The following HSPA12A variants were observed in gnomAD, a reference collection of about 807,000 sequenced individuals.
HSPA12A encodes the protein heat shock 70 kDa protein 12A.
Under a neutral mutation model 69.2 loss-of-function variants are expected in HSPA12A, and 28 were observed. That is an observed-to-expected ratio of 0.40 (90% CI 0.30 to 0.55). The LOEUF is 0.55. Ranked by LOEUF, HSPA12A falls within the 20% of genes least tolerant of loss-of-function variation. The pLI is 0.38. For missense variants in HSPA12A, 686 were observed against 900.7 expected, an observed-to-expected ratio of 0.76 and a Z score of 3.05; for synonymous variants, 345 against 370.5, an observed-to-expected ratio of 0.93 and a Z score of 0.79.
rs117976832 is a variant in HSPA12A, at chr10:116,738,205, G to A, written c.40+4225C>T. The stretch of plus-strand genomic sequence containing the variant: ...TCTCTTCTGAGATTGTCCAAGCCCT[G>A]CCTGACTCCCCTCCAGCTTGGCCCA... On this transcript the variant is annotated intron_variant, in intron 1 of 11. Transcript: ENST00000369209. Among the ~76,000 whole-genome samples the A allele has an allele frequency of 7.4e-4, 113 of 152,288 alleles. 4 individuals are homozygous for A. In the East Asian group the frequency reaches 0.021, roughly 29 times the overall value.
intron 1 of HSPA12A, among the ~76,000 whole-genome samples, chr10:116,726,025 A>ACGCGCG (rs574451167): frequency 0.015 from 986 of 67,922 alleles, 19 homozygotes; most frequent in African/African-American, 0.042. Context: ...ACACACACAC[A>ACGCGCG]CGCACACACA....
At chr10:116,780,273 A>G (rs1460585342) in intron 2 of HSPA12A, among the ~76,000 whole-genome samples, 11 of 152,150 alleles carry the variant, frequency 7.2e-5, no homozygotes, top group African/African-American at 2.7e-4. Flanking sequence ...TTCCTGTTTC[A>G]TGGACTCTTC....
intron 2 of HSPA12A, among the ~76,000 whole-genome samples, chr10:116,749,306 T>C (rs963411767): frequency 2.0e-5 from 3 of 152,212 alleles, no homozygotes; most frequent in African/African-American, 7.2e-5. Flanking sequence ...TGAACATTTA[T>C]CAAGCACCTG....
Position 116,819,134 on chromosome 10 carries a change from C to A in HSPA12A, c.91+15801G>T, listed in dbSNP as rs56790718. The stretch of plus-strand genomic sequence containing the variant: ...CCCAAGCCCTGTGTCCCGTGACACC[C>A]TGCTTATTCACTGGTCCCAAAATCA... On this transcript the variant is annotated intron_variant, in intron 2 of 12. Transcript: ENST00000635765. Among the ~76,000 whole-genome samples, 1,363 of 152,286 alleles carry A rather than the reference C, an allele frequency of 9.0e-3. 25 individuals carry two copies. Among genetic ancestry groups the A allele is most frequent in the African/African-American group, 0.031 (1,302 of 41,548 alleles).
At position 116,723,421 on chromosome 10, in the gene HSPA12A, GA is replaced by G. The variant is rs1554884650; in HGVS notation, c.41-16137del. 1.3e-5 allele frequency among the ~76,000 whole-genome samples: 2 copies of G among 152,176 alleles called. No homozygotes were observed. The highest frequency in any genetic ancestry group is 2.9e-5 in the Non-Finnish European group (2 of 68,030). On this transcript the variant is annotated intron_variant, in intron 1 of 11. Transcript: ENST00000369209. The surrounding 1 kb of genome is among the most constrained non-coding windows in gnomAD (Gnocchi z 4.1). ...CCAAGCTGTTCTTCCAGGGGCAGGGGACGGGGCTGAGGACCCCGAATGAGCT... is the reference window on the plus strand; with the variant it reads ...CCAAGCTGTTCTTCCAGGGGCAGGGGCGGGGCTGAGGACCCCGAATGAGCT...
intron 2 of HSPA12A, among the ~76,000 whole-genome samples, chr10:116,798,519 A>T (rs1214079071): frequency 6.6e-6 from 1 of 152,026 alleles, no homozygotes; most frequent in African/African-American, 2.4e-5. Flanking sequence ...AAAATCTTAC[A>T]CGGAAAAGTT....
At chr10:116,786,525 A>T (rs1270626047) in intron 2 of HSPA12A, among the ~76,000 whole-genome samples, 1 of 152,236 alleles carries the variant, frequency 6.6e-6, no homozygotes, top group African/African-American at 2.4e-5. Context: ...GTTCTCACAG[A>T]AAAATGTTCG....
At chr10:116,829,849 T>A (rs768756494) in intron 2 of HSPA12A, 2 of 152,162 alleles carry the variant, frequency 1.3e-5, no homozygotes, top group Admixed American at 1.3e-4. Context: ...GCTCTCCCAA[T>A]CTCGTGGCTG....
intron 2 of HSPA12A, among the ~76,000 whole-genome samples, chr10:116,705,765 A>G (rs1554882305): frequency 6.6e-6 from 1 of 152,130 alleles, no homozygotes. Context: ...AGGGCTGGGC[A>G]TCCCAGGACC....
At chr10:116,831,309 G>A (rs1297353354) in intron 2 of HSPA12A, 2 of 152,236 alleles carry the variant, frequency 1.3e-5, no homozygotes, top group African/African-American at 4.8e-5. Context: ...CTTTGTGGAG[G>A]TGATGACATG....
intron 2 of HSPA12A, among the ~76,000 whole-genome samples, chr10:116,828,165 A>T (rs1489229283): frequency 1.3e-5 from 2 of 152,210 alleles, no homozygotes; most frequent in African/African-American, 2.4e-5. Context: ...TGAAATAAGA[A>T]CTTATGGATA....
Position 116,671,678 on chromosome 10 carries a change from CTG to C in HSPA12A, c.*3101_*3102del, listed in dbSNP as rs1369676476. 1 of 152,676 alleles carries C rather than the reference CTG, an allele frequency of 6.5e-6. No homozygotes were observed. Among genetic ancestry groups the C allele is most frequent in the African/African-American group, 2.4e-5 (1 of 41,460 alleles). The allele number at this position is 152,676 out of a possible 1,614,324, so 9.5% of individuals were successfully genotyped here. On this transcript the variant is annotated 3_prime_UTR_variant, in exon 12 of 12. Transcript: ENST00000369209. ...TGGTTCCTCCTCTTTCCCCTCCTGT[CTG>C]TAACTTGTCTGTTACTCAGCATTTA...
intron 1 of HSPA12A, among the ~76,000 whole-genome samples, chr10:116,836,864 A>C (rs910656368): frequency 8.6e-5 from 13 of 151,972 alleles, no homozygotes; most frequent in African/African-American, 4.8e-5. Context: ...TTTCTTCATC[A>C]CCCATGCCAT....
chr10:116,681,061 A>G lies in HSPA12A; in HGVS notation c.1027+91T>C. On this transcript the variant is annotated intron_variant, in intron 9 of 11. Coordinates refer to ENST00000369209, the MANE Select transcript of HSPA12A (RefSeq NM_025015.3). ...ATCCCACATGTTAGTGGCATTCAAG[A>G]GAATAAAACTGAGAGTTATCTGAAA... 1.8e-5 allele frequency: 15 copies of G among 844,332 alleles called. No homozygotes were observed. In the South Asian group the frequency reaches 2.0e-4, roughly 11 times the overall value. The allele number at this position is 844,332 out of a possible 1,614,324, so 52.3% of individuals were successfully genotyped here. A position where few individuals can be genotyped will look rare whatever the true frequency, so the allele number is the denominator to read the frequency against.
chr10:116,796,291 ATAG>A (rs1426322872), intron 2 of HSPA12A, among the ~76,000 whole-genome samples: 2 of 152,162 alleles, frequency 1.3e-5, no homozygotes, highest in African/African-American at 4.8e-5. Context: ...AATAATAATA[ATAG>A]TTGAATGATC....
At chr10:116,841,019 T>C (rs1166357735) in intron 1 of HSPA12A, among the ~76,000 whole-genome samples, 2 of 152,184 alleles carry the variant, frequency 1.3e-5, no homozygotes, top group Admixed American at 1.3e-4. Context: ...CCCTTGGCCG[T>C]ATCTCTAGGC....
rs1440066794 is a variant in HSPA12A, at chr10:116,742,437, C to T, written c.33G>A (p.Gly11=). Residue 11 remains glycine, a synonymous_variant, in exon 1 of 12, where the codon GGG becomes GGA. Coordinates refer to ENST00000369209, the MANE Select transcript of HSPA12A (RefSeq NM_025015.3). The stretch of plus-strand genomic sequence containing the variant: ...CCCGCAGCCTGCGCTCACCTCGGGG[C>T]CCGTCGCTGCCGCCGGCCTCCTTGT... MADKEAGGSD[G]PRETAPTSAY... is the part of the protein sequence containing the mutation. 9 of 1,414,510 alleles carry T rather than the reference C, an allele frequency of 6.4e-6. No individual in the cohort carries two copies. The highest frequency in any genetic ancestry group is 8.3e-6 in the Non-Finnish European group (9 of 1,083,498). The allele number at this position is 1,414,510 out of a possible 1,614,324, so 87.6% of individuals were successfully genotyped here.
At chr10:116,726,027 G>GCGCGCACACA (rs140160132) in intron 1 of HSPA12A, among the ~76,000 whole-genome samples, 30,600 of 145,998 alleles carry the variant, frequency 0.21, 3,401 homozygotes, top group East Asian at 0.27. Flanking sequence ...ACACACACAC[G>GCGCGCACACA]CACACACACA....
intron 2 of HSPA12A, among the ~76,000 whole-genome samples, chr10:116,783,576 G>A (rs1439797869): frequency 6.6e-6 from 1 of 152,168 alleles, no homozygotes; most frequent in Non-Finnish European, 1.5e-5. Context: ...ACTCTCTCCC[G>A]CTAGCCAGGG....
Sources: gnomAD v4.1 joint callset for allele counts (sites outside exome capture counted in the v4.1 genomes callset) on GRCh38, gnomAD v4.1.1 for gene constraint, Gnocchi (gnomAD v3.1) non-coding constraint, MANE v1.5 for transcripts, NCBI Gene and HGNC (gene_info 2026-07-23, HGNC 2026-07-21) for gene names.